Variants in RPTOR observed in about 807,000 individuals in gnomAD.
The protein encoded by RPTOR is regulatory associated protein of MTOR complex 1.
RPTOR carries 21 observed loss-of-function variants against 169.9 expected under a neutral mutation model. That is an observed-to-expected ratio of 0.12 (90% CI 0.09 to 0.18). The LOEUF is 0.18. Among genes scored for constraint, RPTOR ranks in the 10% least tolerant of loss-of-function variants. The pLI is 1.00. For missense variants in RPTOR, 1,133 were observed against 1,855.9 expected (o/e 0.61, Z 7.16); for synonymous variants, 732 against 753.2 (o/e 0.97, Z 0.46).
At chr17:80,682,020 C>G (rs911894607) in intron 3 of RPTOR, among the ~76,000 whole-genome samples, 2 of 151,962 alleles carry the variant, frequency 1.3e-5, no homozygotes, top group African/African-American at 4.8e-5. Flanking sequence ...ATGTAGCAGG[C>G]TGACCGTTGG....
intron 7 of RPTOR, among the ~76,000 whole-genome samples, chr17:80,812,276 A>G (rs1189868408): frequency 1.3e-5 from 2 of 151,706 alleles, no homozygotes; most frequent in African/African-American, 4.8e-5. Flanking sequence ...CAAATCCTCT[A>G]TCTCTGTCTT....
At chr17:80,949,092 G>A (rs1348918266) in intron 27 of RPTOR, among the ~76,000 whole-genome samples, 7 of 152,238 alleles carry the variant, frequency 4.6e-5, no homozygotes, top group Non-Finnish European at 7.4e-5. Context: ...AGCTTCACCC[G>A]CCTGCCTCCC....
intron 10 of RPTOR, 133 bp from the exon 11 acceptor site, chr17:80,846,340 G>A (rs1482942626): frequency 4.0e-5 from 33 of 827,550 alleles, no homozygotes; most frequent in Middle Eastern, 2.8e-4. Flanking sequence ...CTTCTCAGCC[G>A]CCTGGCATCC....
chr17:80,648,564 G>A (rs1230793865), intron 3 of RPTOR, among the ~76,000 whole-genome samples: 1 of 152,040 alleles, frequency 6.6e-6, no homozygotes, highest in Non-Finnish European at 1.5e-5. Context: ...TCAGGCAGCC[G>A]GGTTGGCTTT....
intron 3 of RPTOR, among the ~76,000 whole-genome samples, chr17:80,665,411 TCC>T (rs879923270): frequency 0.14 from 1,566 of 11,082 alleles, 160 homozygotes; most frequent in Middle Eastern, 0.17. Context: ...TCCTTTCCTT[TCC>T]TTTCCTTTCC....
At chr17:80,692,280 TTATG>T (rs1254633617) in intron 3 of RPTOR, among the ~76,000 whole-genome samples, 41 of 14,744 alleles carry the variant, frequency 2.8e-3, no homozygotes, top group African/African-American at 6.0e-3. Flanking sequence ...TCTGGCTACG[TTATG>T]TTATGTTATG....
chr17:80,642,085 A>C (rs961862083), intron 2 of RPTOR, among the ~76,000 whole-genome samples: 1 of 152,142 alleles, frequency 6.6e-6, no homozygotes, highest in Non-Finnish European at 1.5e-5. Flanking sequence ...AAAAAAATAA[A>C]ATTTGGAAAC....
intron 4 of RPTOR, among the ~76,000 whole-genome samples, chr17:80,709,658 G>T (rs1318016276): frequency 6.6e-6 from 1 of 152,082 alleles, no homozygotes. Flanking sequence ...GCTGTAAACC[G>T]CGTGAGTGTT....
At chr17:80,814,711 C>G (rs1255629697) in intron 7 of RPTOR, among the ~76,000 whole-genome samples, 1 of 152,192 alleles carries the variant, frequency 6.6e-6, no homozygotes, top group Non-Finnish European at 1.5e-5. Flanking sequence ...CTGTATTCGA[C>G]TTTCACGCTA....
chr17:80,958,397 T>G (rs555828345), intron 29 of RPTOR, among the ~76,000 whole-genome samples: 4 of 143,704 alleles, frequency 2.8e-5, no homozygotes, highest in East Asian at 3.9e-4. Flanking sequence ...GACAGAAGAT[T>G]TTTGTTTCTT....
chr17:80,759,794 A>C (rs1465641738), intron 6 of RPTOR, among the ~76,000 whole-genome samples: 1 of 152,216 alleles, frequency 6.6e-6, no homozygotes, highest in East Asian at 1.9e-4. Flanking sequence ...TTAAAAATGA[A>C]AGATACATTC....
chr17:80,617,474 C>T (rs2065320687), intron 1 of RPTOR, among the ~76,000 whole-genome samples: 1 of 152,134 alleles, frequency 6.6e-6, no homozygotes, highest in Non-Finnish European at 1.5e-5. Flanking sequence ...TTAATATACG[C>T]CATTTAATTA....
intron 1 of RPTOR, among the ~76,000 whole-genome samples, chr17:80,598,325 G>T (rs1056673843): frequency 6.6e-6 from 1 of 152,102 alleles, no homozygotes; most frequent in Non-Finnish European, 1.5e-5. Flanking sequence ...GAAATTAATG[G>T]CTCTGACAAC....
intron 1 of RPTOR, among the ~76,000 whole-genome samples, chr17:80,564,037 G>T (rs1362210439): frequency 6.6e-6 from 1 of 151,826 alleles, no homozygotes; most frequent in Admixed American, 6.6e-5. Flanking sequence ...TACTAAAATT[G>T]TGCTGCAGGG....
chr17:80,686,259 T>C (rs894537108), intron 3 of RPTOR, among the ~76,000 whole-genome samples: 2 of 150,800 alleles, frequency 1.3e-5, no homozygotes, highest in Non-Finnish European at 2.9e-5. Flanking sequence ...CGATCTCGGC[T>C]CACTGCAAGC....
Position 80,722,074 on chromosome 17 carries a change from AT to A in RPTOR, c.508-8478del, listed in dbSNP as rs928829004. 4.0e-5 allele frequency among the ~76,000 whole-genome samples: 6 copies of A among 150,764 alleles called. No individual in the cohort carries two copies. In the East Asian group the frequency reaches 7.7e-4, roughly 19 times the overall value. ...TTTAAAATATTTTATTATAAAATTC[AT>A]TTTTTTTCAAATGGTGCAGATAAGC... On this transcript the variant is annotated intron_variant, in intron 4 of 33. Transcript: ENST00000306801.
At chr17:80,602,365 CAG>C (rs2065194565) in intron 1 of RPTOR, among the ~76,000 whole-genome samples, 1 of 59,392 alleles carries the variant, frequency 1.7e-5, no homozygotes, top group African/African-American at 8.5e-5. Flanking sequence ...GCTGGCTGGG[CAG>C]GGGGGCTGAC....
chr17:80,850,664 C>G (rs1354862679), intron 11 of RPTOR, among the ~76,000 whole-genome samples: 1 of 152,236 alleles, frequency 6.6e-6, no homozygotes, highest in Non-Finnish European at 1.5e-5. Flanking sequence ...TATTTGCTCT[C>G]TCTCCGTGCA....
intron 11 of RPTOR, among the ~76,000 whole-genome samples, chr17:80,850,967 C>T (rs1054825834): frequency 2.2e-4 from 33 of 152,182 alleles, no homozygotes; most frequent in African/African-American, 7.2e-4. Context: ...TTAATTTGGT[C>T]GCCTCAGCTG....
Sources: allele counts gnomAD v4.1 joint callset (sites outside exome capture counted in the v4.1 genomes callset), GRCh38; gene constraint gnomAD v4.1.1; transcripts MANE v1.5; gene names NCBI Gene and HGNC (gene_info 2026-07-23, HGNC 2026-07-21).